MSRA: variants seen among roughly 807,000 people sequenced by gnomAD.
MSRA encodes the protein methionine sulfoxide reductase A.
Under a neutral mutation model 31.3 loss-of-function variants are expected in MSRA, and 54 were observed. The ratio of observed to expected loss-of-function variants is 1.73; its 90% CI spans 1.39 to 2.17. The LOEUF is 2.17. Ranked by LOEUF, MSRA falls within the 30% of genes most tolerant of loss-of-function variation. The pLI, the probability that MSRA is intolerant of heterozygous loss-of-function variation, is 0.00. For synonymous variants in MSRA, 169 were observed against 116.5 expected (o/e 1.45, Z -2.90); for missense variants, 507 against 300.9 (o/e 1.69, Z -5.07).
intron 5 of MSRA, among the ~76,000 whole-genome samples, chr8:10,331,133 GA>G (rs1158676865): frequency 6.6e-6 from 1 of 152,230 alleles, no homozygotes; most frequent in African/African-American, 2.4e-5. Context: ...TACCTTGCCA[GA>G]ACCTTGATCT....
intron 1 of MSRA, among the ~76,000 whole-genome samples, chr8:10,182,022 A>T (rs1806587177): frequency 6.6e-6 from 1 of 152,022 alleles, no homozygotes; most frequent in Non-Finnish European, 1.5e-5. Context: ...CAGGGAGAGG[A>T]TATAGTTCTC....
chr8:10,149,157 C>G (rs921668399), intron 1 of MSRA, among the ~76,000 whole-genome samples: 2 of 150,550 alleles, frequency 1.3e-5, no homozygotes, highest in Non-Finnish European at 2.9e-5. Flanking sequence ...GTTTTGCTCT[C>G]GTCGCCTGGG....
At chr8:10,221,465 A>T (rs1810495019) in intron 2 of MSRA, among the ~76,000 whole-genome samples, 1 of 150,978 alleles carries the variant, frequency 6.6e-6, no homozygotes, top group Non-Finnish European at 1.5e-5. Flanking sequence ...TTTGTTCTTT[A>T]CACTTAACTC....
chr8:10,391,281 C>T (rs1272732872), intron 5 of MSRA, among the ~76,000 whole-genome samples: 1 of 152,190 alleles, frequency 6.6e-6, no homozygotes, highest in Non-Finnish European at 1.5e-5. Flanking sequence ...AAGACCCGGA[C>T]TCAAGGTCTG....
At chr8:10,212,139 A>G (rs940426682) in intron 2 of MSRA, among the ~76,000 whole-genome samples, 1 of 152,006 alleles carries the variant, frequency 6.6e-6, no homozygotes, top group South Asian at 2.1e-4. Flanking sequence ...GTGAGCCGAG[A>G]TCGCGCCACT....
intron 1 of MSRA, among the ~76,000 whole-genome samples, chr8:10,089,929 G>A (rs1476285451): frequency 1.3e-5 from 2 of 152,102 alleles, no homozygotes; most frequent in African/African-American, 2.4e-5. Flanking sequence ...CCCAGGAGCC[G>A]AACACCTTCC....
At chr8:10,308,264 C>A (rs182938085) in intron 4 of MSRA, among the ~76,000 whole-genome samples, 13 of 152,286 alleles carry the variant, frequency 8.5e-5, no homozygotes, top group African/African-American at 2.9e-4. Context: ...TGATGAACTC[C>A]CAGTTACCCT....
At chr8:10,093,572 GAA>G (rs530873280) in intron 1 of MSRA, among the ~76,000 whole-genome samples, 2 of 151,874 alleles carry the variant, frequency 1.3e-5, no homozygotes, top group African/African-American at 4.8e-5. Context: ...ACATCAGATA[GAA>G]AAAAGAGTAC....
rs565883740 is a variant in MSRA at position 10,054,729 on chromosome 8, G to T, written c.142+71G>T. On this transcript the variant is annotated intron_variant, in intron 1 of 5. Coordinates refer to ENST00000317173, the MANE Select transcript of MSRA (RefSeq NM_012331.5). ...GCGCGCCTTTGCCCGGCGGCAGCGC[G>T]CCCGCTGCCCGGAAGGAAGCCGTGG... 43 of 1,378,864 alleles carry T rather than the reference G, an allele frequency of 3.1e-5. 1 individual carries two copies. The South Asian group carries it at 6.2e-4, about 20-fold the overall frequency. 85.4% of individuals were successfully genotyped at this position (1,378,864 alleles called of 1,614,324 possible). A position where few individuals can be genotyped will look rare whatever the true frequency, so the allele number is the denominator to read the frequency against.
intron 2 of MSRA, among the ~76,000 whole-genome samples, chr8:10,229,650 T>G (rs900500416): frequency 1.3e-5 from 2 of 152,084 alleles, no homozygotes; most frequent in African/African-American, 4.8e-5. Flanking sequence ...ACCTCATAGA[T>G]GAAATCCCCT....
rs577916278 is a variant in MSRA at position 10,127,887 on chromosome 8, A to G, written c.142+73229A>G. Among the ~76,000 whole-genome samples, 5 of 151,950 alleles carry G rather than the reference A, an allele frequency of 3.3e-5. No homozygotes were observed. In the East Asian group the frequency reaches 9.7e-4, roughly 29 times the overall value. On this transcript the variant is annotated intron_variant, in intron 1 of 5. Transcript: ENST00000317173. Reference sequence around the variant, plus strand: ...TTTTTCAGACCTCCAGGAAGAATGGATTTTTTATTGCCTTCACGTGGGGTG... The same window carrying G: ...TTTTTCAGACCTCCAGGAAGAATGGGTTTTTTATTGCCTTCACGTGGGGTG...
intron 2 of MSRA, among the ~76,000 whole-genome samples, chr8:10,214,447 G>A (rs1809803209): frequency 6.6e-6 from 1 of 152,176 alleles, no homozygotes; most frequent in African/African-American, 2.4e-5. Context: ...ATTGGAAGCA[G>A]CCGGCAATAT....
rs113345494 is a variant in MSRA at position 10,353,357 on chromosome 8, G to A, written c.543+33368G>A. ...ATATATACATGAAAGAAATTGCTAC[G>A]CTGATCTGGTACTGAAGACCACCAG... On this transcript the variant is annotated intron_variant, in intron 5 of 5. Coordinates refer to ENST00000317173, the MANE Select transcript of MSRA (RefSeq NM_012331.5). Among the ~76,000 whole-genome samples the A allele has an allele frequency of 3.3e-3, 506 of 152,248 alleles. 3 individuals are homozygous for A. The highest frequency in any genetic ancestry group is 0.011 in the African/African-American group (466 of 41,544).
chr8:10,335,672 C>T (rs890329484), intron 5 of MSRA, among the ~76,000 whole-genome samples: 4 of 152,130 alleles, frequency 2.6e-5, no homozygotes, highest in Admixed American at 2.0e-4. Context: ...CTTGGGTTCC[C>T]TGCTGAGTGA....
At chr8:10,128,321 C>T (rs6601416) in intron 1 of MSRA, among the ~76,000 whole-genome samples, 3 of 151,760 alleles carry the variant, frequency 2.0e-5, no homozygotes, top group African/African-American at 4.9e-5. Context: ...GGAGGTTGCC[C>T]TGAGCCGAGA....
chr8:10,294,077 A>C (rs1800396743), intron 3 of MSRA, among the ~76,000 whole-genome samples: 1 of 152,156 alleles, frequency 6.6e-6, no homozygotes, highest in African/African-American at 2.4e-5. Flanking sequence ...GGTGGCATGC[A>C]CCTATAATCT....
intron 5 of MSRA, among the ~76,000 whole-genome samples, chr8:10,417,436 A>ACACACACACACACACACACACACG (rs1808530306): frequency 6.6e-6 from 1 of 151,636 alleles, no homozygotes; most frequent in African/African-American, 2.4e-5. Flanking sequence ...ACACACACAC[A>ACACACACACACACACACACACACG]CACACACACA....
At chr8:10,201,060 C>T (rs996816868) in intron 1 of MSRA, among the ~76,000 whole-genome samples, 1 of 152,056 alleles carries the variant, frequency 6.6e-6, no homozygotes, top group Admixed American at 6.5e-5. Context: ...ACTTTGTGAC[C>T]TGGAGAAGGA....
intron 1 of MSRA, among the ~76,000 whole-genome samples, chr8:10,132,837 G>C (rs1249363898): frequency 6.6e-6 from 1 of 152,220 alleles, no homozygotes; most frequent in Non-Finnish European, 1.5e-5. Flanking sequence ...TTGCAGAGTA[G>C]GTACACAAAG....
Sources: allele counts gnomAD v4.1 joint callset (sites outside exome capture counted in the v4.1 genomes callset), GRCh38; gene constraint gnomAD v4.1.1; transcripts MANE v1.5; gene names NCBI Gene and HGNC (gene_info 2026-07-23, HGNC 2026-07-21).